SLC24A4: variants seen among roughly 807,000 people sequenced by gnomAD.
The protein encoded by SLC24A4 is solute carrier family 24 member 4.
In SLC24A4, 53 loss-of-function variants were observed where a neutral mutation model predicts 79.0. The ratio of observed to expected loss-of-function variants is 0.67; its 90% CI spans 0.54 to 0.84. SLC24A4 has a LOEUF of 0.84. SLC24A4 is among the 40% of genes least tolerant of loss of function. The pLI is 0.00. For missense variants in SLC24A4, 731 were observed against 822.0 expected, an observed-to-expected ratio of 0.89 and a Z score of 1.35; for synonymous variants, 323 against 323.8, an observed-to-expected ratio of 1.00 and a Z score of 0.03.
intron 2 of SLC24A4, among the ~76,000 whole-genome samples, chr14:92,406,799 TG>T (rs80290538): frequency 3.3e-5 from 5 of 151,830 alleles, no homozygotes; most frequent in South Asian, 2.1e-4. Context: ...AGGCTTGTGA[TG>T]GGGGGGTCTC....
chr14:92,325,312 T>C (rs1388142289), intron 1 of SLC24A4, among the ~76,000 whole-genome samples: 2 of 152,242 alleles, frequency 1.3e-5, no homozygotes, highest in African/African-American at 4.8e-5. Context: ...TTGCCCAGTA[T>C]GGCCCCTGGA....
At chr14:92,352,093 G>A (rs1886928687) in intron 2 of SLC24A4, among the ~76,000 whole-genome samples, 1 of 152,148 alleles carries the variant, frequency 6.6e-6, no homozygotes, top group African/African-American at 2.4e-5. Context: ...CATCAATACT[G>A]TTGTAGGTGG....
At chr14:92,400,041 A>C (rs2141759179) in intron 2 of SLC24A4, among the ~76,000 whole-genome samples, 1 of 152,222 alleles carries the variant, frequency 6.6e-6, no homozygotes, top group East Asian at 1.9e-4. Flanking sequence ...AGGCGTGAGC[A>C]ACTGTGCCTA....
At chr14:92,482,914 C>G in intron 13 of SLC24A4, 68 bp downstream of exon 13, 1 of 1,500,574 alleles carries the variant, frequency 6.7e-7, no homozygotes, top group Non-Finnish European at 9.0e-7. Context: ...GGGTTCAAGG[C>G]TAACCACAGG....
chr14:92,341,653 C>G (rs1192632075), intron 2 of SLC24A4, among the ~76,000 whole-genome samples: 8 of 152,180 alleles, frequency 5.3e-5, no homozygotes, highest in African/African-American at 1.9e-4. Flanking sequence ...CGACGGGCAG[C>G]TTGCCTCCCC....
intron 13 of SLC24A4, chr14:92,485,017 C>A: frequency 1.9e-6 from 1 of 526,234 alleles, no homozygotes; most frequent in Non-Finnish European, 2.4e-6. Context: ...TTTGAGTTTG[C>A]AGCATGGTTG....
At chr14:92,387,005 C>T (rs1032438989) in intron 2 of SLC24A4, among the ~76,000 whole-genome samples, 2 of 152,054 alleles carry the variant, frequency 1.3e-5, no homozygotes, top group Non-Finnish European at 2.9e-5. Flanking sequence ...ACCCTCACCC[C>T]TTGTAGCTCT....
intron 1 of SLC24A4, 100 bp from the exon 2 acceptor site, chr14:92,325,768 A>C (rs1170087612): frequency 1.0e-5 from 7 of 682,772 alleles, no homozygotes; most frequent in African/African-American, 3.5e-5. Context: ...GAATAGGCAA[A>C]CAGGGCTGTT....
At chr14:92,442,876 C>T (rs929805621) in intron 6 of SLC24A4, 60 bp downstream of exon 6, 2 of 1,392,236 alleles carry the variant, frequency 1.4e-6, no homozygotes, top group East Asian at 2.3e-5. Context: ...GGATGAGCCT[C>T]TAATGACAAG....
At chr14:92,487,961 C>T (rs896070488) in intron 14 of SLC24A4, among the ~76,000 whole-genome samples, 1 of 151,830 alleles carries the variant, frequency 6.6e-6, no homozygotes, top group Non-Finnish European at 1.5e-5. Flanking sequence ...ATGTCTGTGT[C>T]GACTTCCTCC....
chr14:92,477,763 TTTTTTTC>T (rs1468463785), intron 12 of SLC24A4, among the ~76,000 whole-genome samples: 5 of 142,616 alleles, frequency 3.5e-5, no homozygotes, highest in African/African-American at 1.0e-4. Flanking sequence ...CTTTCTTTCC[TTTTTTTC>T]TTTTTTCTTT....
At chr14:92,346,096 G>T (rs1242856151) in intron 2 of SLC24A4, among the ~76,000 whole-genome samples, 1 of 152,130 alleles carries the variant, frequency 6.6e-6, no homozygotes, top group African/African-American at 2.4e-5. Context: ...AGGAAGCGCC[G>T]GGGCCCTGAG....
Position 92,439,425 on chromosome 14 carries a change from T to A in SLC24A4, c.393+16T>A, listed in dbSNP as rs775242086. On this transcript the variant is annotated intron_variant, in intron 4 of 16. Coordinates refer to ENST00000532405, the MANE Select transcript of SLC24A4 (RefSeq NM_153646.4). ...GATCTGTGAGGTATGTGGAAGGGAC[T>A]TGGGACACCTTGGTGAAGCCTTGAA... is the stretch of plus-strand genomic sequence containing the variant. 6.2e-7 allele frequency: 1 copy of A among 1,606,422 alleles called. No individual in the cohort carries two copies. Among genetic ancestry groups the A allele is most frequent in the Admixed American group, 1.7e-5 (1 of 59,954 alleles).
rs189115103 is a variant in SLC24A4, at chr14:92,329,707, A to G, written c.241+3729A>G. On this transcript the variant is annotated intron_variant, in intron 2 of 16. Coordinates refer to ENST00000532405, the MANE Select transcript of SLC24A4 (RefSeq NM_153646.4). ...TGTTCTGTAGAGGCAGGGTTTTGCCATGTGGCCCAGGGTGGCCTCAAACTC... is the reference window on the plus strand; with the variant it reads ...TGTTCTGTAGAGGCAGGGTTTTGCCGTGTGGCCCAGGGTGGCCTCAAACTC... Among the ~76,000 whole-genome samples, 843 of 152,322 alleles carry G rather than the reference A, an allele frequency of 5.5e-3. 4 individuals carry two copies. The highest frequency in any genetic ancestry group is 6.4e-3 in the Non-Finnish European group (432 of 68,026).
intron 2 of SLC24A4, among the ~76,000 whole-genome samples, chr14:92,381,942 A>G (rs1888876163): frequency 6.6e-6 from 1 of 152,342 alleles, no homozygotes; most frequent in South Asian, 2.1e-4. Context: ...ACCACCTTTC[A>G]GAAATCTGTA....
chr14:92,460,637 G>A (rs1435378433), intron 12 of SLC24A4, among the ~76,000 whole-genome samples: 2 of 152,178 alleles, frequency 1.3e-5, no homozygotes, highest in Non-Finnish European at 2.9e-5. Flanking sequence ...GCTCTGTTCT[G>A]GGCTTTGTGG....
intron 12 of SLC24A4, among the ~76,000 whole-genome samples, chr14:92,473,237 AAGC>A (rs755822668): frequency 1.6e-4 from 25 of 152,258 alleles, no homozygotes; most frequent in Non-Finnish European, 2.5e-4. Flanking sequence ...AAGGACTTGA[AAGC>A]AGAACCTTCA....
At chr14:92,362,470 G>A (rs8015160) in intron 2 of SLC24A4, among the ~76,000 whole-genome samples, 137,972 of 152,176 alleles carry the variant, frequency 0.91, 64,043 homozygotes, top group East Asian at 1. Flanking sequence ...TAGATGGACC[G>A]GTTGGGCAGG....
intron 14 of SLC24A4, 117 bp downstream of exon 14, chr14:92,486,897 G>T: frequency 3.1e-6 from 2 of 644,930 alleles, no homozygotes; most frequent in South Asian, 4.0e-5. Context: ...GTCAAGTCCT[G>T]CTGTGGAGAA....
Sources: allele counts gnomAD v4.1 joint callset (sites outside exome capture counted in the v4.1 genomes callset), GRCh38; gene constraint gnomAD v4.1.1; transcripts MANE v1.5; gene names NCBI Gene and HGNC (gene_info 2026-07-23, HGNC 2026-07-21).